Variants in DCHS1 observed in about 807,000 individuals in gnomAD.
DCHS1 encodes protocadherin-16.
A neutral mutation model predicts 213.9 loss-of-function variants in DCHS1; 78 were observed. The ratio of observed to expected loss-of-function variants is 0.36; its 90% confidence interval spans 0.30 to 0.44. DCHS1 has a LOEUF of 0.44. Among genes scored for constraint, DCHS1 ranks in the 20% least tolerant of loss-of-function variants. DCHS1 has a pLI of 1.00. For synonymous variants in DCHS1, 1,828 were observed against 1,873.7 expected, an observed-to-expected ratio of 0.98 and a Z score of 0.63; for missense variants, 3,946 against 4,395.9, an observed-to-expected ratio of 0.90 and a Z score of 2.89.
chr11:6,628,373 G>A lies in DCHS1; in HGVS notation c.5371+248C>T, dbSNP rs117648803. On this transcript the variant is annotated intron_variant, in intron 13 of 20. Coordinates refer to ENST00000299441, the MANE Select transcript of DCHS1 (RefSeq NM_003737.4). This position sits in a 1 kb window ranked among gnomAD's most constrained non-coding sequence, Gnocchi z 4.3. ...TTTTTGAGACCAAAAATTTGAGAAC[G>A]ACTGCTCTACAGGGAGAGACAAATG... Among the ~76,000 whole-genome samples, 1,083 of 152,238 alleles carry A rather than the reference G, an allele frequency of 7.1e-3. 10 individuals carry two copies. Among genetic ancestry groups the A allele is most frequent in the Non-Finnish European group, 0.012 (850 of 68,020 alleles).
In DCHS1 at chr11:6,629,916, G is replaced by A. The variant is rs779199574; in HGVS notation, c.4796-5C>T. 20 of 1,610,892 alleles carry A rather than the reference G, an allele frequency of 1.2e-5. No homozygotes were observed. Among genetic ancestry groups the A allele is most frequent in the Non-Finnish European group, 1.5e-5 (18 of 1,177,876 alleles). ...GCCGCACCACGGACAGCGCTCCTAG[G>A]TGAGCGGTAAGGCAGGTTGGTGGGG... On this transcript the variant is annotated splice_polypyrimidine_tract_variant and splice_region_variant and intron_variant, in intron 10 of 20. Transcript: ENST00000299441.
Position 6,623,198 on chromosome 11 carries a change from G to C in DCHS1, c.8478C>G (p.Ala2826=), listed in dbSNP as rs983234768. ...CGTGACCCAAGCTGTGGCCACGCCG[G>C]GCACCTTCGGGCACTTGGAAGTGGA... is the stretch of plus-strand genomic sequence containing the variant. ...PAFHFQVPEG[A]RRGHSLGHVQ... The change falls in exon 21 of 21, where the codon GCC becomes GCG. Residue 2826 remains alanine (A), a synonymous_variant. Transcript: ENST00000299441. 5 of 1,601,316 alleles carry C rather than the reference G, an allele frequency of 3.1e-6. No homozygotes were observed. The highest frequency in any genetic ancestry group is 1.7e-5 in the Admixed American group (1 of 58,652).
rs1245444743 is a variant in DCHS1 at position 6,628,073 on chromosome 11, A to G, written c.5372-406T>C. On this transcript the variant is annotated intron_variant, in intron 13 of 20. Coordinates refer to ENST00000299441, the MANE Select transcript of DCHS1 (RefSeq NM_003737.4). This position sits in a 1 kb window ranked among gnomAD's most constrained non-coding sequence, Gnocchi z 4.3. The stretch of plus-strand genomic sequence containing the variant: ...ATATTCTAGACAGAAAGTTTAGAGC[A>G]TGAATCTGTGTGTCTTCAGAGATTC... Among the ~76,000 whole-genome samples, 2 of 152,260 alleles carry G rather than the reference A, an allele frequency of 1.3e-5. No individual in the cohort carries two copies. Among genetic ancestry groups the G allele is most frequent in the Non-Finnish European group, 2.9e-5 (2 of 68,050 alleles).
intron 1 of DCHS1, among the ~76,000 whole-genome samples, chr11:6,654,903 C>G (rs1238027630): frequency 6.6e-6 from 1 of 152,156 alleles, no homozygotes; most frequent in Non-Finnish European, 1.5e-5. Context: ...GGTGACCTTG[C>G]TCTGTCCCCT....
At position 6,633,884 on chromosome 11, in the gene DCHS1, C is replaced by A; in HGVS notation, c.2123G>T (p.Arg708Leu). 4 of 1,613,930 alleles carry A rather than the reference C, an allele frequency of 2.5e-6. No homozygotes were observed. Among genetic ancestry groups the A allele is most frequent in the Non-Finnish European group, 3.4e-6 (4 of 1,179,870 alleles). The change falls in exon 4 of 21, where the codon CGT becomes CTT. Residue 708 changes from arginine to leucine, a missense_variant. Arg to Leu is a moderately radical substitution (Grantham distance 102). Around this residue, in one of 3 missense-constraint regions of DCHS1, gnomAD observed 3,384 missense variants for 3,780.1 expected, o/e 0.90. Coordinates refer to ENST00000299441, the MANE Select transcript of DCHS1 (RefSeq NM_003737.4). ...GGATCCCTGGTCAGGGTCATGGGCA[C>A]GCAACCTCAGCACAGCTGTGCCTGG... ...SPPGTAVLRL[R>L]AHDPDQGSHG...
Position 6,623,269 on chromosome 11 carries a change from C to T in DCHS1, c.8407G>A (p.Val2803Met). The change falls in exon 21 of 21, where the codon GTG (valine) becomes ATG (methionine). Residue 2803 changes from valine to methionine, a missense_variant. Physicochemically the swap from Val to Met is conservative, Grantham distance 21. Transcript: ENST00000299441. ...GGGTCATACTCATCCTCTCCAGTCA[C>T]TAGCACCGACACAGTGACAGAGGCT... ...LSASVTVSVL[V>M]TGEDEYDPVF... 1.9e-6 allele frequency: 3 copies of T among 1,589,912 alleles called. No individual in the cohort carries two copies. The highest frequency in any genetic ancestry group is 2.6e-6 in the Non-Finnish European group (3 of 1,168,140).
In DCHS1 at chr11:6,630,621, C is replaced by A; in HGVS notation, c.4173G>T (p.Ala1391=). ...LDAASGRLYL[A]RPLDFEAGPP... ...GGCCAGCTTCGAAGTCCAGGGGCCG[C>A]GCCAGGTACAAGCGCCCTGAGGCCG... Residue 1391 remains alanine, a synonymous_variant, in exon 10 of 21, where the codon GCG becomes GCT. Transcript: ENST00000299441. The A allele has an allele frequency of 6.5e-7, 1 of 1,540,638 alleles. No homozygotes were observed. Among genetic ancestry groups the A allele is most frequent in the Middle Eastern group, 1.8e-4 (1 of 5,668 alleles).
Position 6,630,112 on chromosome 11 carries a change from C to T in DCHS1, c.4682G>A (p.Gly1561Glu). The change falls in exon 10 of 21, where the codon GGG becomes GAG. Residue 1561 changes from glycine (G) to glutamate (E), a missense_variant. By Grantham distance (98) the Gly-to-Glu change is moderately conservative. Coordinates refer to ENST00000299441, the MANE Select transcript of DCHS1 (RefSeq NM_003737.4). ...RVRLPEDQPP[G>E]PAALHVVARD... Reference sequence around the variant, plus strand: ...GGCTACCACGTGCAGGGCCGCGGGCCCAGGCGGCTGGTCCTCTGGGAGGCG... The same window carrying T: ...GGCTACCACGTGCAGGGCCGCGGGCTCAGGCGGCTGGTCCTCTGGGAGGCG... 2 of 1,604,266 alleles carry T rather than the reference C, an allele frequency of 1.2e-6. No individual in the cohort carries two copies. Among genetic ancestry groups the T allele is most frequent in the South Asian group, 1.1e-5 (1 of 90,510 alleles).
rs2134611036 is a variant in DCHS1, at chr11:6,623,625, C to T, written c.8051G>A (p.Gly2684Asp). Residue 2684 changes from glycine (G) to aspartate (D), a missense_variant, in exon 21 of 21, where the codon GGT becomes GAT. By Grantham distance (94) the Gly-to-Asp change is moderately conservative. Transcript: ENST00000299441. ...CACTGGTGCCAAAGCAAAGTGTGCA[C>T]CAGCAGGGTCAGCAGCCTGTACTAC... Reference protein sequence around the residue: ...QLVVQAADPAGAHFALAPVTI... With the variant: ...QLVVQAADPADAHFALAPVTI... 6.2e-7 allele frequency: 1 copy of T among 1,613,824 alleles called. No homozygotes were observed. Among genetic ancestry groups the T allele is most frequent in the Non-Finnish European group, 8.5e-7 (1 of 1,179,900 alleles).
intron 7 of DCHS1, 53 bp downstream of exon 7, chr11:6,631,563 G>T: frequency 6.5e-7 from 1 of 1,549,426 alleles, no homozygotes. Context: ...TCTATGGGGA[G>T]ATCCCCACTC....
At chr11:6,634,704 T>G (rs1202704796) in intron 2 of DCHS1, among the ~76,000 whole-genome samples, 1 of 152,126 alleles carries the variant, frequency 6.6e-6, no homozygotes, top group Non-Finnish European at 1.5e-5. Flanking sequence ...CTGAGGAACA[T>G]TAGACCACAC....
Position 6,628,576 on chromosome 11 carries a change from C to T in DCHS1, c.5371+45G>A. The T allele has an allele frequency of 6.2e-7, 1 of 1,607,224 alleles. No homozygotes were observed. Among genetic ancestry groups the T allele is most frequent in the South Asian group, 1.1e-5 (1 of 90,928 alleles). Reference sequence around the variant, plus strand: ...ACAGCAGCCAAGAAGGAGCAAGAACCAGGCAAGTGGGTGCTGAATTAAGTG... The same window carrying T: ...ACAGCAGCCAAGAAGGAGCAAGAACTAGGCAAGTGGGTGCTGAATTAAGTG... On this transcript the variant is annotated intron_variant, in intron 13 of 20. Coordinates refer to ENST00000299441, the MANE Select transcript of DCHS1 (RefSeq NM_003737.4). This position sits in a 1 kb window ranked among gnomAD's most constrained non-coding sequence, Gnocchi z 4.3.
Position 6,621,767 on chromosome 11 carries a change from C to G in DCHS1, c.*12G>C, listed in dbSNP as rs545786249. The G allele has an allele frequency of 6.4e-7, 1 of 1,567,256 alleles. No homozygotes were observed. Among genetic ancestry groups the G allele is most frequent in the East Asian group, 2.4e-5 (1 of 42,244 alleles). ...GTGCGCATCCCAGGTCGGGGCCCAG[C>G]CTGGGCCACAGCTAGATGTGCAGCT... On this transcript the variant is annotated 3_prime_UTR_variant, in exon 21 of 21. Coordinates refer to ENST00000299441, the MANE Select transcript of DCHS1 (RefSeq NM_003737.4).
intron 1 of DCHS1, among the ~76,000 whole-genome samples, chr11:6,651,405 T>C (rs1344131739): frequency 6.6e-6 from 1 of 151,952 alleles, no homozygotes; most frequent in Non-Finnish European, 1.5e-5. Context: ...GCTGGGGAAA[T>C]GGGGCAGGTG....
Position 6,634,154 on chromosome 11 carries a change from G to A in DCHS1, c.1950C>T (p.Pro650=). The A allele has an allele frequency of 1.2e-6, 2 of 1,609,282 alleles. No homozygotes were observed. The highest frequency in any genetic ancestry group is 1.7e-6 in the Non-Finnish European group (2 of 1,176,708). The change falls in exon 3 of 21, where the codon CCC becomes CCT. Residue 650 remains proline (P), a synonymous_variant. Transcript: ENST00000299441. ...CTGTCACTGTGAAGTCAAAGCTTGA[G>A]GGCCCCTGGTCACGGTCCAGGGTCC... ...TTRTLDRDQG[P]SSFDFTVTAV...
chr11:6,623,866 G>A lies in DCHS1; in HGVS notation c.7810C>T (p.Arg2604Ter). 1 of 1,610,948 alleles carries A rather than the reference G, an allele frequency of 6.2e-7. No homozygotes were observed. The highest frequency in any genetic ancestry group is 8.5e-7 in the Non-Finnish European group (1 of 1,177,546). ...DVNDNPPVFTRASYRVTVPED... is the reference protein window; with the variant it reads ...DVNDNPPVFT The stretch of plus-strand genomic sequence containing the variant: ...GGTACTGTCACACGGTAGGATGCTC[G>A]GGTAAAGACAGGTGGGTTGTCATTG... The change falls in exon 21 of 21, where the codon CGA (arginine) becomes TGA (stop). Residue 2604 changes from arginine (R) to a stop codon, truncating the protein, a stop_gained. Transcript: ENST00000299441. LOFTEE classifies it high-confidence loss of function.
chr11:6,651,386 C>T (rs2134660925), intron 1 of DCHS1, among the ~76,000 whole-genome samples: 1 of 152,126 alleles, frequency 6.6e-6, no homozygotes, highest in East Asian at 1.9e-4. Flanking sequence ...AAACTCAAAA[C>T]GTGAGGGGGC....
Position 6,640,008 on chromosome 11 carries a change from G to C in DCHS1, c.1606C>G (p.Leu536Val). Residue 536 changes from leucine to valine, a missense_variant, in exon 2 of 21, where the codon CTG becomes GTG. By Grantham distance (32) the Leu-to-Val change is conservative. Coordinates refer to ENST00000299441, the MANE Select transcript of DCHS1 (RefSeq NM_003737.4). This position sits in a 1 kb window ranked among gnomAD's most constrained non-coding sequence, Gnocchi z 6.5. ...GGCTGAGGTTCCAACTCATAGTCCA[G>C]TGAGGCAGCCGTAGTGATAATGCCT... Reference protein sequence around the residue: ...TSGIITTAASLDYELEPQPQL... With the variant: ...TSGIITTAASVDYELEPQPQL... The C allele has an allele frequency of 6.2e-7, 1 of 1,613,974 alleles. No individual in the cohort carries two copies. Among genetic ancestry groups the C allele is most frequent in the Middle Eastern group, 1.6e-4 (1 of 6,062 alleles).
At chr11:6,648,325 G>T (rs4758447) in intron 1 of DCHS1, among the ~76,000 whole-genome samples, 1 of 152,126 alleles carries the variant, frequency 6.6e-6, no homozygotes, top group Non-Finnish European at 1.5e-5. Flanking sequence ...TTCTTCCTGG[G>T]GGCAGTATCA....
Sources: gnomAD v4.1 joint callset for allele counts (sites outside exome capture counted in the v4.1 genomes callset) on GRCh38, gnomAD v4.1.1 for gene constraint, gnomAD v4.1.1 regional missense constraint, Gnocchi (gnomAD v3.1) non-coding constraint, MANE v1.5 for transcripts, NCBI Gene and HGNC (gene_info 2026-07-23, HGNC 2026-07-21) for gene names.